The following ANXA8 variants were observed in gnomAD, a reference collection of about 807,000 sequenced individuals.
ANXA8 encodes VAC-beta.
In ANXA8, 9 loss-of-function variants were observed where a neutral mutation model predicts 26.8. That is an observed-to-expected ratio of 0.34 (90% confidence interval 0.20 to 0.59). The LOEUF (loss-of-function observed/expected upper bound fraction) is 0.59. Ranked by LOEUF, ANXA8 falls within the 20% of genes least tolerant of loss-of-function variation. The pLI is 0.84. For missense variants in ANXA8, 83 were observed against 238.5 expected (o/e 0.35, Z 4.29); for synonymous variants, 39 against 94.8 (o/e 0.41, Z 3.42).
At chr10:47,497,441 C>T in the ANXA8 span, among the ~76,000 whole-genome samples, 1 of 144,660 alleles carries the variant, frequency 6.9e-6, no homozygotes, top group African/African-American at 2.6e-5. Flanking sequence ...CATGGAGAAA[C>T]CCCATCTCTA....
the ANXA8 span, among the ~76,000 whole-genome samples, chr10:47,733,183 T>A: frequency 2.3e-5 from 2 of 86,960 alleles, no homozygotes; most frequent in East Asian, 5.5e-4. Context: ...CTTTCTTTCT[T>A]TCTTTCTTTC....
the ANXA8 span, among the ~76,000 whole-genome samples, chr10:47,733,225 TTCTTTCTCTC>T: frequency 8.9e-4 from 52 of 58,228 alleles, no homozygotes; most frequent in African/African-American, 2.3e-3. Context: ...TTCTTTCTCT[TTCTTTCTCTC>T]TTTCTTTCTT....
chr10:47,700,109 T>C, the ANXA8 span, among the ~76,000 whole-genome samples: 1 of 151,994 alleles, frequency 6.6e-6, no homozygotes, highest in Non-Finnish European at 1.5e-5. Flanking sequence ...TTCAATGTAG[T>C]TCCAATGAAA....
the ANXA8 span, among the ~76,000 whole-genome samples, chr10:47,679,419 G>A: frequency 2.0e-5 from 3 of 152,154 alleles, no homozygotes; most frequent in African/African-American, 7.2e-5. Flanking sequence ...GGGCAACATA[G>A]TGATACCCCT....
the ANXA8 span, chr10:47,970,623 G>C: frequency 3.3e-5 from 5 of 151,450 alleles, no homozygotes; most frequent in Non-Finnish European, 5.9e-5. Flanking sequence ...TCGTAGGCAT[G>C]TGACTAATTG....
At chr10:47,744,694 A>G in the ANXA8 span, among the ~76,000 whole-genome samples, 1 of 152,018 alleles carries the variant, frequency 6.6e-6, no homozygotes, top group South Asian at 2.1e-4. Context: ...TATAACCATG[A>G]TGTTGAAAGA....
At chr10:47,937,273 C>T in the ANXA8 span, among the ~76,000 whole-genome samples, 1 of 149,544 alleles carries the variant, frequency 6.7e-6, no homozygotes, top group African/African-American at 2.4e-5. Context: ...TTCAATGGAT[C>T]TGCCACCTAC....
chr10:47,579,854 C>T, the ANXA8 span, among the ~76,000 whole-genome samples: 2 of 138,160 alleles, frequency 1.4e-5, no homozygotes, highest in African/African-American at 5.8e-5. Flanking sequence ...AGTCAAATCA[C>T]AAGAAGATGT....
At chr10:47,768,650 G>C in the ANXA8 span, among the ~76,000 whole-genome samples, 12 of 151,668 alleles carry the variant, frequency 7.9e-5, 1 homozygote, top group South Asian at 2.5e-3. Flanking sequence ...GAGGTAGAGA[G>C]GGGGCAGGTG....
the ANXA8 span, among the ~76,000 whole-genome samples, chr10:47,645,985 A>G: frequency 1.3e-5 from 2 of 148,990 alleles, no homozygotes; most frequent in Admixed American, 1.3e-4. Context: ...GGAATTTCTC[A>G]GTCTCGACAT....
At chr10:47,637,526 A>G in the ANXA8 span, among the ~76,000 whole-genome samples, 6 of 143,444 alleles carry the variant, frequency 4.2e-5, no homozygotes, top group Non-Finnish European at 7.5e-5. Context: ...AAGCACATTA[A>G]TCTGGAAGCC....
the ANXA8 span, among the ~76,000 whole-genome samples, chr10:47,694,559 TA>T: frequency 6.6e-6 from 1 of 151,364 alleles, no homozygotes; most frequent in Non-Finnish European, 1.5e-5. Flanking sequence ...TAGCTGGGAC[TA>T]CAGGAGCCCG....
the ANXA8 span, among the ~76,000 whole-genome samples, chr10:47,528,358 G>A: frequency 5.2e-5 from 7 of 135,122 alleles, 1 homozygote; most frequent in Admixed American, 3.8e-4. Flanking sequence ...GATTACAGGC[G>A]TGAGCCACTG....
the ANXA8 span, among the ~76,000 whole-genome samples, chr10:47,515,733 TC>T: frequency 3.5e-5 from 5 of 140,946 alleles, no homozygotes; most frequent in Non-Finnish European, 7.7e-5. Flanking sequence ...GCTTTTACTT[TC>T]CAGGCAGAAA....
chr10:47,617,427 A>G, the ANXA8 span, among the ~76,000 whole-genome samples: 3 of 141,506 alleles, frequency 2.1e-5, no homozygotes. Flanking sequence ...GTGCTCTGGT[A>G]GATTTTCATA....
the ANXA8 span, among the ~76,000 whole-genome samples, chr10:47,745,344 G>C: frequency 1.4e-5 from 2 of 147,708 alleles, no homozygotes; most frequent in African/African-American, 5.0e-5. Context: ...TCTGGAAATG[G>C]AAGTCTGGGA....
chr10:47,514,011 T>C, the ANXA8 span, among the ~76,000 whole-genome samples: 88 of 139,448 alleles, frequency 6.3e-4, 3 homozygotes, highest in Admixed American at 7.3e-4. Flanking sequence ...CAAAAGCAAA[T>C]GCAACAGAAA....
chr10:47,510,230 C>G, the ANXA8 span: 1 of 1,440,598 alleles, frequency 6.9e-7, no homozygotes, highest in Non-Finnish European at 9.3e-7. Context: ...GGAATATTGT[C>G]GAACACGAGC....
chr10:47,664,286 G>T, the ANXA8 span, among the ~76,000 whole-genome samples: 2 of 152,078 alleles, frequency 1.3e-5, no homozygotes, highest in African/African-American at 2.4e-5. Flanking sequence ...GCTGAGGCAG[G>T]AGAATTGCTT....
Sources: allele counts gnomAD v4.1 joint callset (sites outside exome capture counted in the v4.1 genomes callset), GRCh38; gene constraint gnomAD v4.1.1; transcripts MANE v1.5; gene names NCBI Gene and HGNC (gene_info 2026-07-23, HGNC 2026-07-21).